Variants in C1QTNF3 observed in about 807,000 individuals in gnomAD.
C1QTNF3 encodes the protein C1q and TNF related 3.
Under a neutral mutation model 32.6 loss-of-function variants are expected in C1QTNF3, and 26 were observed. The ratio of observed to expected loss-of-function variants is 0.80; its 90% CI spans 0.58 to 1.11. C1QTNF3 has a LOEUF of 1.11. C1QTNF3 is among the 50% of genes least tolerant of loss of function. C1QTNF3 has a pLI of 0.00. For synonymous variants in C1QTNF3, 155 were observed against 146.0 expected (o/e 1.06, Z -0.44); for missense variants, 362 against 398.2 (o/e 0.91, Z 0.77).
At chr5:34,171,037 T>C in the C1QTNF3 span, among the ~76,000 whole-genome samples, 1 of 152,102 alleles carries the variant, frequency 6.6e-6, no homozygotes, top group Non-Finnish European at 1.5e-5. Flanking sequence ...TTATTTAAAA[T>C]GGGTTCCAGG....
the C1QTNF3 span, among the ~76,000 whole-genome samples, chr5:34,236,570 CTTTTTTT>C: frequency 4.8e-4 from 13 of 27,292 alleles, no homozygotes; most frequent in African/African-American, 8.4e-4. Context: ...TTTCTTTTTT[CTTTTTTT>C]TTTTTTTTTT....
the C1QTNF3 span, among the ~76,000 whole-genome samples, chr5:34,222,671 TTC>T: frequency 6.6e-6 from 1 of 151,948 alleles, no homozygotes; most frequent in South Asian, 2.1e-4. Flanking sequence ...TATATATAAA[TTC>T]TGTTAACGTG....
chr5:34,062,285 TC>T, the C1QTNF3 span, among the ~76,000 whole-genome samples: 1 of 152,190 alleles, frequency 6.6e-6, no homozygotes, highest in African/African-American at 2.4e-5. Flanking sequence ...CAAAATTGTT[TC>T]AGAGAGGGTG....
chr5:34,072,736 T>C, the C1QTNF3 span, among the ~76,000 whole-genome samples: 2 of 152,368 alleles, frequency 1.3e-5, no homozygotes, highest in South Asian at 4.1e-4. Context: ...TTGCAAATTT[T>C]TTTCCTGTGC....
chr5:34,212,061 G>C, the C1QTNF3 span, among the ~76,000 whole-genome samples: 1 of 152,170 alleles, frequency 6.6e-6, no homozygotes, highest in Non-Finnish European at 1.5e-5. Context: ...CAGAGATATA[G>C]ATCAATGGAA....
chr5:34,115,513 A>T, the C1QTNF3 span, among the ~76,000 whole-genome samples: 1 of 152,066 alleles, frequency 6.6e-6, no homozygotes, highest in East Asian at 1.9e-4. Context: ...GGAGGATCAC[A>T]AGGTCAGGAG....
the C1QTNF3 span, among the ~76,000 whole-genome samples, chr5:34,113,672 A>C: frequency 0.014 from 2,059 of 152,220 alleles, 24 homozygotes; most frequent in African/African-American, 0.034. Context: ...CTCTCTCTCT[A>C]TATATATGTA....
chr5:34,147,853 G>A, the C1QTNF3 span, among the ~76,000 whole-genome samples: 1 of 152,210 alleles, frequency 6.6e-6, no homozygotes, highest in African/African-American at 2.4e-5. Flanking sequence ...GGCGGGAGGA[G>A]CCAAGATGGC....
chr5:34,227,549 T>C, the C1QTNF3 span, among the ~76,000 whole-genome samples: 2 of 152,058 alleles, frequency 1.3e-5, no homozygotes, highest in Non-Finnish European at 2.9e-5. Flanking sequence ...CAATTTTTCA[T>C]AAATCTCCAA....
At chr5:34,196,131 C>G in the C1QTNF3 span, among the ~76,000 whole-genome samples, 8 of 152,340 alleles carry the variant, frequency 5.3e-5, no homozygotes, top group Non-Finnish European at 1.0e-4. Context: ...TGAGAAATAT[C>G]TGTTTTTTTT....
At chr5:34,069,277 G>A in the C1QTNF3 span, among the ~76,000 whole-genome samples, 1 of 148,688 alleles carries the variant, frequency 6.7e-6, no homozygotes, top group East Asian at 1.9e-4. Flanking sequence ...ATTTTTAGTA[G>A]AGATATTGAA....
chr5:34,053,696 T>C, the C1QTNF3 span, among the ~76,000 whole-genome samples: 1 of 152,184 alleles, frequency 6.6e-6, no homozygotes, highest in African/African-American at 2.4e-5. Context: ...ATTTAACCCA[T>C]TTCCCCACCC....
chr5:34,087,857 T>C, the C1QTNF3 span, among the ~76,000 whole-genome samples: 4 of 152,272 alleles, frequency 2.6e-5, no homozygotes, highest in African/African-American at 7.2e-5. Flanking sequence ...GTGCTGGGAT[T>C]ACAGGCATGA....
At chr5:34,207,668 CCTA>C in the C1QTNF3 span, among the ~76,000 whole-genome samples, 3 of 152,164 alleles carry the variant, frequency 2.0e-5, no homozygotes, top group African/African-American at 7.2e-5. Flanking sequence ...TCACTATCTA[CCTA>C]CTGACTCTTA....
chr5:34,173,819 A>T, the C1QTNF3 span, among the ~76,000 whole-genome samples: 1 of 149,806 alleles, frequency 6.7e-6, no homozygotes, highest in African/African-American at 2.5e-5. Context: ...ACTGAAGTTA[A>T]AATGTTCTCC....
At chr5:34,183,609 T>G in the C1QTNF3 span, among the ~76,000 whole-genome samples, 21 of 151,158 alleles carry the variant, frequency 1.4e-4, no homozygotes, top group African/African-American at 5.1e-4. Context: ...AGATATATTA[T>G]TAACGAATTG....
At chr5:34,035,231 G>A (rs1754706758) in intron 2 of C1QTNF3, among the ~76,000 whole-genome samples, 1 of 152,152 alleles carries the variant, frequency 6.6e-6, no homozygotes, top group Non-Finnish European at 1.5e-5. Context: ...GCCTAAAAAT[G>A]TTTCCATGAG....
the C1QTNF3 span, among the ~76,000 whole-genome samples, chr5:34,068,372 T>C: frequency 6.6e-6 from 1 of 152,114 alleles, no homozygotes; most frequent in Non-Finnish European, 1.5e-5. Flanking sequence ...ACTAGAGCTT[T>C]ATACTGTTTC....
At chr5:34,117,061 T>TG in the C1QTNF3 span, among the ~76,000 whole-genome samples, 473 of 152,190 alleles carry the variant, frequency 3.1e-3, 3 homozygotes, top group African/African-American at 0.011. Context: ...CTCATAATCT[T>TG]TGACTTTTAA....
Sources: allele counts gnomAD v4.1 joint callset (sites outside exome capture counted in the v4.1 genomes callset), GRCh38; gene constraint gnomAD v4.1.1; transcripts MANE v1.5; gene names NCBI Gene and HGNC (gene_info 2026-07-23, HGNC 2026-07-21).